Variants in ANKS1B observed in about 807,000 individuals in gnomAD.
The protein encoded by ANKS1B is ankyrin repeat and sterile alpha motif domain-containing protein 1B.
Under a neutral mutation model 148.3 loss-of-function variants are expected in ANKS1B, and 36 were observed. The observed-to-expected ratio is 0.24, with a 90% CI of 0.19 to 0.32. The LOEUF (loss-of-function observed/expected upper bound fraction) is 0.32, where lower values mean the gene tolerates loss of function less well. Ranked by LOEUF, ANKS1B falls within the 10% of genes least tolerant of loss-of-function variation. The probability of loss-of-function intolerance (pLI) is 1.00; values close to 1 mark genes in which losing one functional copy is unlikely to be tolerated. For missense variants in ANKS1B, 1,157 were observed against 1,542.6 expected, an observed-to-expected ratio of 0.75 and a Z score of 4.19; for synonymous variants, 542 against 560.8, an observed-to-expected ratio of 0.97 and a Z score of 0.47.
intron 4 of ANKS1B, among the ~76,000 whole-genome samples, chr12:99,797,819 T>C (rs2066434943): frequency 6.6e-6 from 1 of 151,986 alleles, no homozygotes. Context: ...CAAGCCTTGG[T>C]AGCACCAAAG....
intron 15 of ANKS1B, among the ~76,000 whole-genome samples, chr12:99,116,983 A>T (rs1335877918): frequency 6.6e-6 from 1 of 152,206 alleles, no homozygotes; most frequent in African/African-American, 2.4e-5. Context: ...GAGTTCACTC[A>T]TGATTTGGCT....
chr12:98,864,647 T>G (rs899308236), intron 17 of ANKS1B, among the ~76,000 whole-genome samples: 4 of 152,238 alleles, frequency 2.6e-5, no homozygotes, highest in Admixed American at 6.5e-5. Context: ...CTTGCCAGCC[T>G]CCATAACTGC....
rs530263936 is a variant in ANKS1B at position 99,090,300 on chromosome 12, T to C, written c.2527-5277A>G. On this transcript the variant is annotated intron_variant, in intron 15 of 26. Coordinates refer to ENST00000683438, the MANE Select transcript of ANKS1B (RefSeq NM_001352186.2). ...TAAACTTAATACGATATCTTATTCA[T>C]TTAGCAAGCTTTCCTTCATATTATA... Among the ~76,000 whole-genome samples the C allele has an allele frequency of 5.3e-5, 8 of 152,318 alleles. No homozygotes were observed. The South Asian group carries it at 1.7e-3, about 32-fold the overall frequency.
In ANKS1B at chr12:99,205,200, G is replaced by C. The variant is rs569948891; in HGVS notation, c.2419+39142C>G. On this transcript the variant is annotated intron_variant, in intron 14 of 26. Transcript: ENST00000683438. ...GATGGCCAAATCTCTAAACAAGCCAGTTTTAGCTGGCAGGATTAGAAATTC... is the reference window on the plus strand; with the variant it reads ...GATGGCCAAATCTCTAAACAAGCCACTTTTAGCTGGCAGGATTAGAAATTC... 3.1e-4 allele frequency among the ~76,000 whole-genome samples: 47 copies of C among 152,282 alleles called. No individual in the cohort carries two copies. In the South Asian group the frequency reaches 5.6e-3, roughly 18 times the overall value.
intron 24 of ANKS1B, among the ~76,000 whole-genome samples, chr12:98,777,670 C>A (rs1566371573): frequency 2.0e-5 from 3 of 152,246 alleles, no homozygotes; most frequent in African/African-American, 4.8e-5. Flanking sequence ...TTCAAGATCG[C>A]TTTCTGCTTC....
chr12:98,794,162 C>T lies in ANKS1B; in HGVS notation c.3342+4772G>A, dbSNP rs535703654. On this transcript the variant is annotated intron_variant, in intron 22 of 26. Coordinates refer to ENST00000683438, the MANE Select transcript of ANKS1B (RefSeq NM_001352186.2). ...ATCCCAGCACTTTGGGAGGCCAAGGCGGGTGGATTACTTGAGGCCAGGAGT... is the reference window on the plus strand; with the variant it reads ...ATCCCAGCACTTTGGGAGGCCAAGGTGGGTGGATTACTTGAGGCCAGGAGT... Among the ~76,000 whole-genome samples, 4 of 152,068 alleles carry T rather than the reference C, an allele frequency of 2.6e-5. No homozygotes were observed. In the South Asian group the frequency reaches 6.2e-4, roughly 24 times the overall value.
At chr12:98,861,833 G>C (rs972856960) in intron 17 of ANKS1B, among the ~76,000 whole-genome samples, 1 of 152,184 alleles carries the variant, frequency 6.6e-6, no homozygotes, top group Non-Finnish European at 1.5e-5. Flanking sequence ...GAATCCTGGG[G>C]CTTCTGAGCT....
At chr12:99,140,092 T>C (rs2070086261) in intron 15 of ANKS1B, among the ~76,000 whole-genome samples, 1 of 152,188 alleles carries the variant, frequency 6.6e-6, no homozygotes, top group South Asian at 2.1e-4. Flanking sequence ...CATCACAATG[T>C]TATCATTGGT....
chr12:98,784,752 C>T (rs1307680794), intron 22 of ANKS1B, among the ~76,000 whole-genome samples: 1 of 152,084 alleles, frequency 6.6e-6, no homozygotes, highest in Non-Finnish European at 1.5e-5. Context: ...ATCAGATGCT[C>T]GGCCAAGTTG....
chr12:98,862,292 GC>G, intron 17 of ANKS1B, among the ~76,000 whole-genome samples: 1 of 152,180 alleles, frequency 6.6e-6, no homozygotes, highest in Middle Eastern at 3.4e-3. Context: ...GCCATGTATT[GC>G]GGGAGAGTTA....
At chr12:98,874,478 A>C (rs191068360) in intron 17 of ANKS1B, among the ~76,000 whole-genome samples, 1 of 152,308 alleles carries the variant, frequency 6.6e-6, no homozygotes, top group East Asian at 1.9e-4. Flanking sequence ...TGAACTGAGG[A>C]GATAATAAAT....
At chr12:99,667,648 G>C (rs1039274342) in intron 8 of ANKS1B, among the ~76,000 whole-genome samples, 10 of 152,200 alleles carry the variant, frequency 6.6e-5, no homozygotes, top group Admixed American at 2.0e-4. Context: ...TAAGTGAAAA[G>C]CATTCAGCCT....
intron 14 of ANKS1B, among the ~76,000 whole-genome samples, chr12:99,192,714 T>C (rs2080894595): frequency 6.6e-6 from 1 of 152,020 alleles, no homozygotes; most frequent in Admixed American, 6.6e-5. Context: ...ACGTCAACCA[T>C]CTGTTATAAT....
chr12:99,617,483 G>T (rs1370508704), intron 9 of ANKS1B, among the ~76,000 whole-genome samples: 1 of 148,758 alleles, frequency 6.7e-6, no homozygotes, highest in East Asian at 1.9e-4. Flanking sequence ...CTTGTCCTTT[G>T]CAGGGACATG....
At chr12:99,004,392 A>G (rs1369323841) in intron 17 of ANKS1B, among the ~76,000 whole-genome samples, 1 of 152,162 alleles carries the variant, frequency 6.6e-6, no homozygotes, top group East Asian at 1.9e-4. Flanking sequence ...GAAAGACTAA[A>G]TGAGATAATA....
chr12:99,118,149 G>A (rs1198733182), intron 15 of ANKS1B, among the ~76,000 whole-genome samples: 11 of 152,154 alleles, frequency 7.2e-5, no homozygotes, highest in Admixed American at 7.2e-4. Context: ...TAAGTGGATG[G>A]ATGCTGAGAC....
intron 12 of ANKS1B, among the ~76,000 whole-genome samples, chr12:99,363,249 G>T (rs1193037136): frequency 6.6e-6 from 1 of 151,978 alleles, no homozygotes; most frequent in Non-Finnish European, 1.5e-5. Flanking sequence ...GGAGAAACTA[G>T]AAACTAGGCA....
chr12:99,931,661 T>C (rs867113532), intron 1 of ANKS1B, among the ~76,000 whole-genome samples: 1 of 152,166 alleles, frequency 6.6e-6, no homozygotes, highest in Admixed American at 6.5e-5. Context: ...TATGGGTACA[T>C]AGTGTATGTA....
At chr12:99,407,356 T>C (rs982102300) in intron 11 of ANKS1B, among the ~76,000 whole-genome samples, 4 of 145,674 alleles carry the variant, frequency 2.7e-5, no homozygotes, top group Non-Finnish European at 3.0e-5. Context: ...CCACTGGGTA[T>C]AGAAGAAACA....
Sources: allele counts gnomAD v4.1 joint callset (sites outside exome capture counted in the v4.1 genomes callset), GRCh38; gene constraint gnomAD v4.1.1; transcripts MANE v1.5; gene names NCBI Gene and HGNC (gene_info 2026-07-23, HGNC 2026-07-21).